SYNDIG1: variants seen among roughly 807,000 people sequenced by gnomAD.
The protein encoded by SYNDIG1 is synapse differentiation inducing 1, also known as synapse differentiation-inducing gene protein 1.
Under a neutral mutation model 19.4 loss-of-function variants are expected in SYNDIG1, and 9 were observed. That is an observed-to-expected ratio of 0.46 (90% CI 0.28 to 0.81). The LOEUF (loss-of-function observed/expected upper bound fraction) is 0.81. Among genes scored for constraint, SYNDIG1 ranks in the 30% least tolerant of loss-of-function variants. The pLI is 0.12. For synonymous variants in SYNDIG1, 141 were observed against 145.9 expected, an observed-to-expected ratio of 0.97 and a Z score of 0.24; for missense variants, 311 against 343.3, an observed-to-expected ratio of 0.91 and a Z score of 0.74.
At position 24,474,814 on chromosome 20, in the gene SYNDIG1, G is replaced by A. The variant is rs552478682; in HGVS notation, c.-79+5061G>A. On this transcript the variant is annotated intron_variant, in intron 1 of 3. Transcript: ENST00000376862. ...TATCACTTGGCCTCACTGGGCAGGC[G>A]CCCGCTTTCACACGTTACCTCCATC... Among the ~76,000 whole-genome samples, 8 of 152,300 alleles carry A rather than the reference G, an allele frequency of 5.3e-5. No homozygotes were observed. The East Asian group carries it at 1.3e-3, about 26-fold the overall frequency.
At chr20:24,582,308 G>A (rs189412996) in intron 2 of SYNDIG1, among the ~76,000 whole-genome samples, 2 of 64,212 alleles carry the variant, frequency 3.1e-5, no homozygotes, top group East Asian at 4.8e-4. Flanking sequence ...CCCATTGCAC[G>A]CCCTCCCCTC....
intron 2 of SYNDIG1, among the ~76,000 whole-genome samples, chr20:24,581,385 G>A (rs530785374): frequency 4.6e-4 from 70 of 152,162 alleles, no homozygotes; most frequent in Non-Finnish European, 8.1e-4. Context: ...GCAAGGATAC[G>A]TCGGGATCCA....
At chr20:24,515,030 G>A (rs1393712886) in intron 1 of SYNDIG1, among the ~76,000 whole-genome samples, 1 of 152,174 alleles carries the variant, frequency 6.6e-6, no homozygotes, top group African/African-American at 2.4e-5. Context: ...TGACTACTGG[G>A]TACATAACGA....
intron 3 of SYNDIG1, among the ~76,000 whole-genome samples, chr20:24,641,506 G>A (rs2059376773): frequency 6.6e-6 from 1 of 152,182 alleles, no homozygotes; most frequent in South Asian, 2.1e-4. Context: ...CAAGTAAAGT[G>A]TTGTCCGTAT....
intron 1 of SYNDIG1, among the ~76,000 whole-genome samples, chr20:24,496,283 C>A (rs1278518498): frequency 6.6e-6 from 1 of 152,144 alleles, no homozygotes; most frequent in Non-Finnish European, 1.5e-5. Context: ...CTGATGGGAC[C>A]GCACTGAATC....
At chr20:24,534,848 G>A (rs1403447507) in intron 1 of SYNDIG1, among the ~76,000 whole-genome samples, 1 of 152,188 alleles carries the variant, frequency 6.6e-6, no homozygotes, top group East Asian at 1.9e-4. Context: ...TGGACACGGT[G>A]CGGCTTCCTT....
At chr20:24,571,984 C>T (rs1008435690) in intron 2 of SYNDIG1, among the ~76,000 whole-genome samples, 1 of 152,164 alleles carries the variant, frequency 6.6e-6, no homozygotes, top group African/African-American at 2.4e-5. Context: ...AAGGAGATGC[C>T]AGACCCCTCA....
chr20:24,593,405 A>G (rs1015703853), intron 3 of SYNDIG1, among the ~76,000 whole-genome samples: 8 of 152,210 alleles, frequency 5.3e-5, no homozygotes, highest in Non-Finnish European at 1.2e-4. Flanking sequence ...GTAGTATTCC[A>G]TGGTGTACAT....
intron 1 of SYNDIG1, among the ~76,000 whole-genome samples, chr20:24,479,465 C>G (rs1274182520): frequency 6.6e-6 from 1 of 152,162 alleles, no homozygotes; most frequent in Non-Finnish European, 1.5e-5. Context: ...TCTGGGGCAG[C>G]AGCCTCAGTG....
rs139612169 is a variant in SYNDIG1, at chr20:24,474,550, C to T, written c.-79+4797C>T. 9.8e-5 allele frequency among the ~76,000 whole-genome samples: 15 copies of T among 152,354 alleles called. No individual in the cohort carries two copies. In the East Asian group the frequency reaches 2.9e-3, roughly 29 times the overall value. The stretch of plus-strand genomic sequence containing the variant: ...TTTAGGAGTTCAGTTAGCATTATTT[C>T]AGAGAGATGGGCCTTGCAATCCGTG... On this transcript the variant is annotated intron_variant, in intron 1 of 3. Coordinates refer to ENST00000376862, the MANE Select transcript of SYNDIG1 (RefSeq NM_024893.3).
intron 1 of SYNDIG1, among the ~76,000 whole-genome samples, chr20:24,516,278 A>G (rs1010933082): frequency 1.3e-5 from 2 of 152,230 alleles, no homozygotes; most frequent in Non-Finnish European, 2.9e-5. Context: ...ATGGGTAAGG[A>G]CTTCATGTCT....
intron 1 of SYNDIG1, among the ~76,000 whole-genome samples, chr20:24,485,483 G>A (rs1160819939): frequency 1.3e-5 from 2 of 152,152 alleles, no homozygotes; most frequent in Non-Finnish European, 2.9e-5. Context: ...GGAAAAGTGG[G>A]AAAAATTTGG....
chr20:24,530,015 G>GGCTATGTCAGTGATGCTGATT (rs2057219669), intron 1 of SYNDIG1, among the ~76,000 whole-genome samples: 4 of 151,470 alleles, frequency 2.6e-5, no homozygotes, highest in African/African-American at 9.7e-5. Context: ...GGATAATGAT[G>GGCTATGTCAGTGATGCTGATT]GTGATGGTCG....
At chr20:24,544,925 A>C (rs1384537919) in intron 2 of SYNDIG1, among the ~76,000 whole-genome samples, 1 of 152,124 alleles carries the variant, frequency 6.6e-6, no homozygotes, top group Non-Finnish European at 1.5e-5. Context: ...CATCTTTAGC[A>C]GGTGAGGCTC....
intron 3 of SYNDIG1, among the ~76,000 whole-genome samples, chr20:24,607,416 C>T (rs1039784906): frequency 2.0e-5 from 3 of 151,718 alleles, no homozygotes; most frequent in African/African-American, 4.8e-5. Context: ...CTCGTTCGGG[C>T]TGATGAGAGT....
chr20:24,514,732 C>T (rs2056824732), intron 1 of SYNDIG1, among the ~76,000 whole-genome samples: 1 of 152,176 alleles, frequency 6.6e-6, no homozygotes, highest in African/African-American at 2.4e-5. Context: ...AGAAAGTTAA[C>T]AAGGATATCC....
chr20:24,630,800 GAACCC>G (rs1379684455), intron 3 of SYNDIG1, among the ~76,000 whole-genome samples: 1 of 152,230 alleles, frequency 6.6e-6, no homozygotes, highest in Non-Finnish European at 1.5e-5. Flanking sequence ...CCCTCTACAA[GAACCC>G]TGAGTTATAG....
chr20:24,594,330 A>C (rs1164958185), intron 3 of SYNDIG1, among the ~76,000 whole-genome samples: 1 of 152,080 alleles, frequency 6.6e-6, no homozygotes, highest in Non-Finnish European at 1.5e-5. Flanking sequence ...ACTTTGTCGA[A>C]GATCAGGTGT....
chr20:24,523,188 C>T (rs1043413974), intron 1 of SYNDIG1, among the ~76,000 whole-genome samples: 3 of 152,166 alleles, frequency 2.0e-5, no homozygotes, highest in African/African-American at 4.8e-5. Context: ...AGCTTATAGG[C>T]GAAAGACCTT....
Sources: gnomAD v4.1 joint callset for allele counts (sites outside exome capture counted in the v4.1 genomes callset) on GRCh38, gnomAD v4.1.1 for gene constraint, MANE v1.5 for transcripts, NCBI Gene and HGNC (gene_info 2026-07-23, HGNC 2026-07-21) for gene names.